AXIN2: variants seen among roughly 807,000 people sequenced by gnomAD.
AXIN2 encodes axin 2.
A neutral mutation model predicts 74.7 loss-of-function variants in AXIN2; 21 were observed. The observed-to-expected ratio is 0.28, with a 90% CI of 0.20 to 0.40. The LOEUF (loss-of-function observed/expected upper bound fraction) is 0.40. AXIN2 is among the 10% of genes least tolerant of loss of function. The pLI is 1.00. For synonymous variants in AXIN2, 532 were observed against 454.9 expected (o/e 1.17, Z -2.16); for missense variants, 1,144 against 1,111.1 (o/e 1.03, Z -0.42).
At position 65,557,792 on chromosome 17, in the gene AXIN2, C is replaced by A; in HGVS notation, c.815+14G>T. The A allele has an allele frequency of 6.2e-7, 1 of 1,613,770 alleles. No individual in the cohort carries two copies. The highest frequency in any genetic ancestry group is 8.5e-7 in the Non-Finnish European group (1 of 1,179,666). ...TCCACAGCATCAGCCCACCCGCCCC[C>A]GTCAAAGTCTTACCTGTATCCACTG... On this transcript the variant is annotated intron_variant, in intron 2 of 10. Transcript: ENST00000307078.
rs548155754 is a variant in AXIN2, at chr17:65,538,451, C to A, written c.1060-108G>T. ...GCGCTGTGCACCGCAAACCCATGTT[C>A]GGGTGTAGAGTGGATGGCAAGGCGG... is the stretch of plus-strand genomic sequence containing the variant. On this transcript the variant is annotated intron_variant, in intron 4 of 10. Transcript: ENST00000307078. The A allele has an allele frequency of 3.4e-6, 5 of 1,481,044 alleles. No individual in the cohort carries two copies. The African/African-American group carries it at 4.2e-5, about 12-fold the overall frequency. 91.7% of individuals were successfully genotyped at this position (1,481,044 alleles called of 1,614,324 possible).
At chr17:65,546,609 AAG>A (rs928730007) in intron 3 of AXIN2, among the ~76,000 whole-genome samples, 1 of 152,174 alleles carries the variant, frequency 6.6e-6, no homozygotes, top group Non-Finnish European at 1.5e-5. Flanking sequence ...GACAATGCCC[AAG>A]AGACAGTGAC....
rs1210218493 is a variant in AXIN2, at chr17:65,529,288, T to C, written c.*688A>G. ...TCCAACACAACCCCCAAAATGTTGA[T>C]GATGACGCAACATGGTCAACCCTCA... is the stretch of plus-strand genomic sequence containing the variant. On this transcript the variant is annotated 3_prime_UTR_variant, in exon 11 of 11. Transcript: ENST00000307078. 1 of 235,742 alleles carries C rather than the reference T, an allele frequency of 4.2e-6. No homozygotes were observed. Among genetic ancestry groups the C allele is most frequent in the Non-Finnish European group, 8.3e-6 (1 of 119,966 alleles). The allele number at this position is 235,742 out of a possible 1,614,324, so 14.6% of individuals were successfully genotyped here.
At chr17:65,535,584 AGCACTCG>A (rs750996387) in intron 9 of AXIN2, 35 bp downstream of exon 9, 12 of 1,570,192 alleles carry the variant, frequency 7.6e-6, no homozygotes, top group Non-Finnish European at 1.1e-5. Context: ...TGAAACATAA[AGCACTCG>A]GCAGATCTCA....
At chr17:65,544,972 AGGTT>A (rs1387527781) in intron 3 of AXIN2, among the ~76,000 whole-genome samples, 4 of 152,342 alleles carry the variant, frequency 2.6e-5, no homozygotes, top group African/African-American at 9.6e-5. Flanking sequence ...TTGTAGGAAA[AGGTT>A]AGTATTTGAA....
At position 65,558,186 on chromosome 17, in the gene AXIN2, G is replaced by C. The variant is rs111470596; in HGVS notation, c.435C>G (p.Val145=). ...YKRYIENNSI[V]SKQLKPATKT... ...TGGTGGCAGGCTTCAGCTGCTTGGA[G>C]ACAATGCTGTTGTTCTCAATGTACC... The change falls in exon 2 of 11, where the codon GTC becomes GTG. Residue 145 remains valine (V), a synonymous_variant. Coordinates refer to ENST00000307078, the MANE Select transcript of AXIN2 (RefSeq NM_004655.4). 7.7e-5 allele frequency: 125 copies of C among 1,614,106 alleles called. 1 individual carries two copies. The South Asian group carries it at 1.1e-3, about 15-fold the overall frequency.
chr17:65,534,637 A>G (rs1341923314), intron 9 of AXIN2, among the ~76,000 whole-genome samples: 1 of 152,194 alleles, frequency 6.6e-6, no homozygotes, highest in Non-Finnish European at 1.5e-5. Flanking sequence ...GCTTGAAAAA[A>G]AGGCTGCTAG....
intron 7 of AXIN2, 25 bp downstream of exon 7, chr17:65,536,844 C>CGCG (rs891443949): frequency 1.7e-5 from 28 of 1,612,290 alleles, no homozygotes; most frequent in East Asian, 6.7e-5. Context: ...CCCTCGCGGC[C>CGCG]GCGGCGGCGG....
intron 3 of AXIN2, among the ~76,000 whole-genome samples, chr17:65,545,048 T>C (rs2144517275): frequency 6.6e-6 from 1 of 152,180 alleles, no homozygotes; most frequent in Non-Finnish European, 1.5e-5. Context: ...TATAAAGAAA[T>C]ACAAATAAAT....
chr17:65,558,876 T>C (rs2044318614), intron 1 of AXIN2, 140 bp from the exon 2 acceptor site: 9 of 540,484 alleles, frequency 1.7e-5, no homozygotes, highest in Non-Finnish European at 2.6e-5. Context: ...CCCAGCTATC[T>C]GCGAGGTGCT....
rs202108391 is a variant in AXIN2, at chr17:65,541,543, G to A, written c.971C>T (p.Pro324Leu). 8 of 1,614,004 alleles carry A rather than the reference G, an allele frequency of 5.0e-6. No individual in the cohort carries two copies. Among genetic ancestry groups the A allele is most frequent in the Non-Finnish European group, 6.8e-6 (8 of 1,179,894 alleles). The part of the protein sequence containing the change: ...MTDSSVDGIP[P>L]YRVGSKKQLQ... ...CTGTTTCTTACTGCCCACACGATAA[G>A]GAGGAATTCCATCTCTAAGGGAAAG... is the stretch of plus-strand genomic sequence containing the variant. Residue 324 changes from proline (P) to leucine (L), a missense_variant, in exon 4 of 11, where the codon CCT (proline) becomes CTT (leucine). By Grantham distance (98) the Pro-to-Leu change is moderately conservative. Around this residue, in one of 4 missense-constraint regions of AXIN2, gnomAD observed 1,053 missense variants for 973.5 expected, o/e 1.08. Coordinates refer to ENST00000307078, the MANE Select transcript of AXIN2 (RefSeq NM_004655.4).
rs907254827 is a variant in AXIN2 at position 65,528,862 on chromosome 17, T to G, written c.*1114A>C. 9.0e-5 allele frequency: 36 copies of G among 398,968 alleles called. No homozygotes were observed. The highest frequency in any genetic ancestry group is 7.2e-4 in the Admixed American group (17 of 23,614). 24.7% of individuals were successfully genotyped at this position (398,968 alleles called of 1,614,324 possible). A position where few individuals can be genotyped will look rare whatever the true frequency, so the allele number is the denominator to read the frequency against. ...CTGATTTAAAGTCAAGCACTAGAGA[T>G]AGTGGATTAATACTCTTTTGCCGTA... On this transcript the variant is annotated 3_prime_UTR_variant, in exon 11 of 11. Coordinates refer to ENST00000307078, the MANE Select transcript of AXIN2 (RefSeq NM_004655.4).
rs540092434 is a variant in AXIN2 at position 65,537,139 on chromosome 17, G to T, written c.1713-76C>A. ...GGGACTCCTAGAATCAGACAATTCA[G>T]CAAGTCGGGGGGCTGGTGACACGAA... On this transcript the variant is annotated intron_variant, in intron 6 of 10. Transcript: ENST00000307078. The T allele has an allele frequency of 1.3e-5, 21 of 1,562,628 alleles. No individual in the cohort carries two copies. In the East Asian group the frequency reaches 4.1e-4, roughly 31 times the overall value.
chr17:65,541,369 C>T (rs2044039528), intron 4 of AXIN2, 86 bp downstream of exon 4: 2 of 1,237,854 alleles, frequency 1.6e-6, no homozygotes. Context: ...CTTCCCTATA[C>T]CTCTCCCCAT....
intron 2 of AXIN2, 93 bp downstream of exon 2, chr17:65,557,713 A>G: frequency 1.5e-6 from 2 of 1,301,876 alleles, no homozygotes; most frequent in Non-Finnish European, 2.2e-6. Context: ...CAGACCTGTC[A>G]GTCTCTGCAG....
intron 2 of AXIN2, among the ~76,000 whole-genome samples, 200 bp downstream of exon 2, chr17:65,557,606 A>G (rs765476222): frequency 1.3e-5 from 2 of 152,240 alleles, no homozygotes; most frequent in Non-Finnish European, 2.9e-5. Context: ...CAGCACTGGA[A>G]GACTGCAGGT....
chr17:65,537,893 C>G (rs2043966237), intron 5 of AXIN2, 58 bp from the exon 6 acceptor site: 2 of 1,494,948 alleles, frequency 1.3e-6, no homozygotes, highest in South Asian at 2.7e-5. Context: ...GCCAGAGGCC[C>G]TGGGGTTGCA....
Position 65,536,353 on chromosome 17 carries a change from C to T in AXIN2, c.2108G>A (p.Arg703Lys), listed in dbSNP as rs565565172. The T allele has an allele frequency of 6.2e-7, 1 of 1,613,300 alleles. No individual in the cohort carries two copies. The highest frequency in any genetic ancestry group is 8.5e-7 in the Non-Finnish European group (1 of 1,179,892). Residue 703 changes from arginine (R) to lysine (K), a missense_variant, in exon 8 of 11, where the codon AGG becomes AAG. This residue lies in a region of AXIN2 where 1,053 missense variants were observed against 973.5 expected (regional missense o/e 1.08). Transcript: ENST00000307078. ...TGGGGGCTTCGACACCTCAGCTAGC[C>T]TGCGACAGGCCTCCTCCAGCTGAGC... The part of the protein sequence containing the change: ...TLAQLEEACR[R>K]LAEVSKPPKQ...
In AXIN2 at chr17:65,549,501, G is replaced by T. The variant is rs535151259; in HGVS notation, c.956+19C>A. 5.0e-5 allele frequency: 81 copies of T among 1,612,112 alleles called. No individual in the cohort carries two copies. In the Middle Eastern group the frequency reaches 5.2e-4, roughly 10 times the overall value. On this transcript the variant is annotated intron_variant, in intron 3 of 10. Coordinates refer to ENST00000307078, the MANE Select transcript of AXIN2 (RefSeq NM_004655.4). ...TCCACTCCCAAGCAAGCCCACGGAA[G>T]GGTGGCCAGGATACTCACACACTGC...
Sources: gnomAD v4.1 joint callset for allele counts (sites outside exome capture counted in the v4.1 genomes callset) on GRCh38, gnomAD v4.1.1 for gene constraint, gnomAD v4.1.1 regional missense constraint, MANE v1.5 for transcripts, NCBI Gene and HGNC (gene_info 2026-07-23, HGNC 2026-07-21) for gene names.